FOXO3: variants seen among roughly 807,000 people sequenced by gnomAD.
The protein encoded by FOXO3 is forkhead box protein O3.
A neutral mutation model predicts 41.9 loss-of-function variants in FOXO3; 4 were observed. The observed-to-expected ratio is 0.10, with a 90% CI of 0.05 to 0.22. The LOEUF is 0.22. Ranked by LOEUF, FOXO3 falls within the 10% of genes least tolerant of loss-of-function variation. The pLI, the probability that FOXO3 is intolerant of heterozygous loss-of-function variation, is 1.00. For synonymous variants in FOXO3, 318 were observed against 389.3 expected (o/e 0.82, Z 2.16); for missense variants, 534 against 906.8 (o/e 0.59, Z 5.28).
chr6:108,646,334 G>T (rs1426880313), intron 1 of FOXO3, among the ~76,000 whole-genome samples: 1 of 152,178 alleles, frequency 6.6e-6, no homozygotes, highest in Middle Eastern at 3.2e-3. Flanking sequence ...AATTGGCATT[G>T]TGTGAGTAAT....
rs774005511 is a variant in FOXO3 at position 108,663,922 on chromosome 6, G to A, written c.1089G>A (p.Thr363=). ...CACCTTCAGTAAGCAAGCCGTGCAC[G>A]GTGGAACTGCCACGGCTGACTGATA... ...SLSPSVSKPC[T]VELPRLTDMA... The change falls in exon 2 of 3, where the codon ACG becomes ACA. Residue 363 remains threonine (T), a synonymous_variant. Transcript: ENST00000406360. 1.7e-5 allele frequency: 27 copies of A among 1,614,080 alleles called. No homozygotes were observed. Among genetic ancestry groups the A allele is most frequent in the East Asian group, 6.7e-5 (3 of 44,890 alleles).
intron 2 of FOXO3, 41 bp downstream of exon 2, chr6:108,664,930 G>T (rs1306315172): frequency 1.9e-5 from 30 of 1,539,684 alleles, no homozygotes; most frequent in Non-Finnish European, 2.6e-6. Context: ...ACAATATGGG[G>T]ATGAGGGGGG....
chr6:108,577,847 C>CA (rs1776304584), intron 1 of FOXO3, among the ~76,000 whole-genome samples: 1 of 152,164 alleles, frequency 6.6e-6, no homozygotes, highest in Non-Finnish European at 1.5e-5. Context: ...AGGGCAAGAG[C>CA]ATTATTATCA....
At chr6:108,616,303 T>A (rs759142644) in intron 1 of FOXO3, among the ~76,000 whole-genome samples, 12 of 151,696 alleles carry the variant, frequency 7.9e-5, no homozygotes, top group Non-Finnish European at 1.8e-4. Flanking sequence ...TAGCTGGGAC[T>A]ACAGGCACCC....
At chr6:108,618,708 T>C (rs182554812) in intron 1 of FOXO3, among the ~76,000 whole-genome samples, 132 of 152,360 alleles carry the variant, frequency 8.7e-4, no homozygotes, top group South Asian at 2.9e-3. Context: ...CTGTAGGACT[T>C]CTTAGGCCAA....
chr6:108,575,789 G>A (rs2764266), intron 1 of FOXO3, among the ~76,000 whole-genome samples: 149,471 of 152,326 alleles, frequency 0.98, 73,402 homozygotes, highest in East Asian at 1. Flanking sequence ...TGTGCCATGT[G>A]TGAATATACC....
At chr6:108,606,685 T>C (rs1200104574) in intron 1 of FOXO3, among the ~76,000 whole-genome samples, 1 of 152,260 alleles carries the variant, frequency 6.6e-6, no homozygotes, top group African/African-American at 2.4e-5. Flanking sequence ...TGCCAGCCTG[T>C]TCTGCTTTTA....
chr6:108,663,262 C>T (rs1481028317), intron 1 of FOXO3, among the ~76,000 whole-genome samples, 193 bp from the exon 2 acceptor site: 1 of 152,242 alleles, frequency 6.6e-6, no homozygotes, highest in Non-Finnish European at 1.5e-5. Flanking sequence ...GTCCCAGTTA[C>T]AGGTGCTTCA....
chr6:108,587,595 C>T (rs977203021), intron 1 of FOXO3, among the ~76,000 whole-genome samples: 4 of 152,202 alleles, frequency 2.6e-5, no homozygotes, highest in Non-Finnish European at 4.4e-5. Context: ...GTGAGAGCCC[C>T]GGCTCAGTGT....
At chr6:108,598,261 T>A (rs1042088847) in intron 1 of FOXO3, among the ~76,000 whole-genome samples, 2 of 152,210 alleles carry the variant, frequency 1.3e-5, no homozygotes, top group Non-Finnish European at 2.9e-5. Flanking sequence ...CTTTCTGTTC[T>A]TTGTAGAATT....
At chr6:108,622,772 G>C (rs1777703880) in intron 1 of FOXO3, among the ~76,000 whole-genome samples, 1 of 152,012 alleles carries the variant, frequency 6.6e-6, no homozygotes, top group African/African-American at 2.4e-5. Flanking sequence ...CATTTACTCT[G>C]AGCAAGGGTG....
At position 108,644,360 on chromosome 6, in the gene FOXO3, T is replaced by G. The variant is rs572950442; in HGVS notation, c.622-19095T>G. Among the ~76,000 whole-genome samples the G allele has an allele frequency of 1.1e-3, 170 of 152,328 alleles. 2 individuals are homozygous for G. The highest frequency in any genetic ancestry group is 2.1e-3 in the East Asian group (11 of 5,188). ...TTAATAAATGTTAGCGTTTTTATTA[T>G]TAGTAGTGATCCCTTGCTGGCATCT... is the stretch of plus-strand genomic sequence containing the variant. On this transcript the variant is annotated intron_variant, in intron 1 of 2. Coordinates refer to ENST00000406360, the MANE Select transcript of FOXO3 (RefSeq NM_001455.4).
intron 1 of FOXO3, among the ~76,000 whole-genome samples, chr6:108,643,595 TG>T (rs751285407): frequency 2.0e-5 from 3 of 152,342 alleles, no homozygotes; most frequent in Non-Finnish European, 4.4e-5. Context: ...ATGAGAGGGC[TG>T]TTCAGTGGCA....
At position 108,643,022 on chromosome 6, in the gene FOXO3, C is replaced by G. The variant is rs542444897; in HGVS notation, c.622-20433C>G. ...GAACATAATGTGTATTTCACATGATCAGATAAGTACATTTAAGCTTCTTAG... is the reference window on the plus strand; with the variant it reads ...GAACATAATGTGTATTTCACATGATGAGATAAGTACATTTAAGCTTCTTAG... On this transcript the variant is annotated intron_variant, in intron 1 of 2. Coordinates refer to ENST00000406360, the MANE Select transcript of FOXO3 (RefSeq NM_001455.4). 5.9e-5 allele frequency among the ~76,000 whole-genome samples: 9 copies of G among 152,270 alleles called. No individual in the cohort carries two copies. In the South Asian group the frequency reaches 1.7e-3, roughly 28 times the overall value.
At chr6:108,612,160 A>G (rs1045374632) in intron 1 of FOXO3, among the ~76,000 whole-genome samples, 6 of 152,210 alleles carry the variant, frequency 3.9e-5, no homozygotes, top group South Asian at 2.1e-4. Context: ...TTAAAATACA[A>G]TTCTTACATA....
intron 2 of FOXO3, among the ~76,000 whole-genome samples, chr6:108,667,035 A>T (rs1462330614): frequency 2.6e-5 from 4 of 152,198 alleles, no homozygotes; most frequent in African/African-American, 9.7e-5. Context: ...TCCTATGGTG[A>T]GCTCACTCCA....
chr6:108,601,937 A>G (rs1189940611), intron 1 of FOXO3, among the ~76,000 whole-genome samples: 1 of 152,262 alleles, frequency 6.6e-6, no homozygotes, highest in African/African-American at 2.4e-5. Flanking sequence ...TTTTGAATAA[A>G]GCCTTGTGCT....
At chr6:108,583,746 C>A (rs993806655) in intron 1 of FOXO3, among the ~76,000 whole-genome samples, 7 of 152,222 alleles carry the variant, frequency 4.6e-5, no homozygotes, top group Non-Finnish European at 8.8e-5. Context: ...CAAAATGCCA[C>A]TTCTAGTCAC....
At chr6:108,678,744 C>T (rs1770718841) in intron 2 of FOXO3, among the ~76,000 whole-genome samples, 1 of 151,824 alleles carries the variant, frequency 6.6e-6, no homozygotes, top group South Asian at 2.1e-4. Context: ...AAATCAAATT[C>T]CTAAGCCAGG....
Sources: gnomAD v4.1 joint callset for allele counts (sites outside exome capture counted in the v4.1 genomes callset) on GRCh38, gnomAD v4.1.1 for gene constraint, MANE v1.5 for transcripts, NCBI Gene and HGNC (gene_info 2026-07-23, HGNC 2026-07-21) for gene names.